MED13L: variants seen among roughly 807,000 people sequenced by gnomAD.
MED13L encodes the protein mediator complex subunit 13L.
MED13L carries 7 observed loss-of-function variants against 220.9 expected under a neutral mutation model. The observed-to-expected ratio is 0.03, with a 90% confidence interval of 0.02 to 0.06. The LOEUF (loss-of-function observed/expected upper bound fraction) is 0.06, where lower values mean the gene tolerates loss of function less well. Ranked by LOEUF, MED13L falls within the 10% of genes least tolerant of loss-of-function variation. The pLI is 1.00. For missense variants in MED13L, 1,965 were observed against 2,760.5 expected, an observed-to-expected ratio of 0.71 and a Z score of 6.46; for synonymous variants, 1,011 against 1,015.2, an observed-to-expected ratio of 1.00 and a Z score of 0.08.
intron 2 of MED13L, among the ~76,000 whole-genome samples, chr12:116,144,001 G>C (rs1315895646): frequency 6.6e-6 from 1 of 151,992 alleles, no homozygotes; most frequent in Non-Finnish European, 1.5e-5. Flanking sequence ...TAGAAGCCAG[G>C]TGATTACCCA....
chr12:116,088,165 C>G (rs76396644), intron 4 of MED13L, among the ~76,000 whole-genome samples: 10,731 of 152,174 alleles, frequency 0.071, 500 homozygotes, highest in Middle Eastern at 0.11. Context: ...CCCTCCACCC[C>G]CCTTTTTAAA....
At chr12:116,021,563 AAAC>A (rs2137442637) in intron 5 of MED13L, among the ~76,000 whole-genome samples, 1 of 152,286 alleles carries the variant, frequency 6.6e-6, no homozygotes, top group East Asian at 1.9e-4. Context: ...AGTTTATAGA[AAAC>A]AAAAAATAAA....
intron 10 of MED13L, 41 bp from the exon 11 acceptor site, chr12:116,007,677 C>T (rs771459227): frequency 2.0e-6 from 3 of 1,499,636 alleles, no homozygotes; most frequent in Non-Finnish European, 9.1e-7. Context: ...AGCATTTATG[C>T]CTTAAAGCAT....
chr12:116,094,374 C>T (rs1872496540), intron 4 of MED13L, among the ~76,000 whole-genome samples: 1 of 152,156 alleles, frequency 6.6e-6, no homozygotes, highest in Admixed American at 6.5e-5. Flanking sequence ...AGTCTAAAAT[C>T]CATTCAATTA....
chr12:116,068,199 C>T (rs1213515832), intron 4 of MED13L, among the ~76,000 whole-genome samples: 1 of 152,104 alleles, frequency 6.6e-6, no homozygotes, highest in East Asian at 1.9e-4. Context: ...GTTCTATGTG[C>T]CTGCCGTAAT....
chr12:116,004,350 T>G (rs1878919467), intron 13 of MED13L, among the ~76,000 whole-genome samples: 1 of 152,158 alleles, frequency 6.6e-6, no homozygotes, highest in Non-Finnish European at 1.5e-5. Flanking sequence ...GAGTCATTTC[T>G]TCTACCAGAG....
Position 116,124,659 on chromosome 12 carries a change from T to C in MED13L, c.311-13147A>G, listed in dbSNP as rs552022601. ...CAAGAATGTAGAATAATTAGATCAGTCTATCATTTCACTTAACGCCCATCA... is the reference window on the plus strand; with the variant it reads ...CAAGAATGTAGAATAATTAGATCAGCCTATCATTTCACTTAACGCCCATCA... On this transcript the variant is annotated intron_variant, in intron 2 of 30. Coordinates refer to ENST00000281928, the MANE Select transcript of MED13L (RefSeq NM_015335.5). Among the ~76,000 whole-genome samples the C allele has an allele frequency of 3.9e-5, 6 of 152,316 alleles. No individual in the cohort carries two copies. In the South Asian group the frequency reaches 1.2e-3, roughly 32 times the overall value.
chr12:116,196,127 A>G (rs1422265181), intron 2 of MED13L, among the ~76,000 whole-genome samples: 2 of 152,136 alleles, frequency 1.3e-5, no homozygotes, highest in South Asian at 2.1e-4. Context: ...ACTGAATCAT[A>G]TATTATCCAG....
chr12:115,986,511 GA>G, intron 18 of MED13L, 22 bp from the exon 19 acceptor site: 1 of 1,608,280 alleles, frequency 6.2e-7, no homozygotes. Context: ...TTGTAGTGTA[GA>G]AAGGTGCTAG....
chr12:116,002,565 T>C (rs994861629), intron 14 of MED13L, among the ~76,000 whole-genome samples: 2 of 152,194 alleles, frequency 1.3e-5, no homozygotes, highest in Non-Finnish European at 1.5e-5. Context: ...ACAAAAACTT[T>C]AGTATGCATC....
intron 1 of MED13L, among the ~76,000 whole-genome samples, chr12:116,243,276 C>A (rs979354322): frequency 1.3e-5 from 2 of 152,100 alleles, no homozygotes; most frequent in African/African-American, 4.8e-5. Flanking sequence ...GAACTTAACC[C>A]ATTTATGCAG....
At chr12:116,233,636 GA>G (rs1869794082) in intron 2 of MED13L, among the ~76,000 whole-genome samples, 1 of 152,164 alleles carries the variant, frequency 6.6e-6, no homozygotes, top group Non-Finnish European at 1.5e-5. Context: ...TACAATTATA[GA>G]TTAACTGCTA....
intron 2 of MED13L, among the ~76,000 whole-genome samples, chr12:116,192,709 C>T (rs1402848009): frequency 6.6e-6 from 1 of 152,122 alleles, no homozygotes; most frequent in East Asian, 1.9e-4. Flanking sequence ...ACAACCCTGA[C>T]CCTTATTTCT....
intron 2 of MED13L, among the ~76,000 whole-genome samples, chr12:116,127,488 CT>C (rs1565890386): frequency 2.0e-5 from 3 of 152,222 alleles, no homozygotes; most frequent in Admixed American, 6.5e-5. Flanking sequence ...ATAAGTACCC[CT>C]ATGTAGTCCG....
intron 4 of MED13L, among the ~76,000 whole-genome samples, chr12:116,027,405 G>A (rs1327535845): frequency 1.3e-5 from 2 of 152,126 alleles, no homozygotes; most frequent in Admixed American, 1.3e-4. Flanking sequence ...CGGGGTGACA[G>A]AGAGACTCTG....
At chr12:116,202,539 A>G (rs774541380) in intron 2 of MED13L, among the ~76,000 whole-genome samples, 2 of 152,222 alleles carry the variant, frequency 1.3e-5, no homozygotes, top group Non-Finnish European at 2.9e-5. Flanking sequence ...AGAGAGTACA[A>G]TGGAAATGGT....
intron 4 of MED13L, among the ~76,000 whole-genome samples, chr12:116,052,507 T>A (rs1419965891): frequency 6.6e-6 from 1 of 152,238 alleles, no homozygotes; most frequent in Non-Finnish European, 1.5e-5. Flanking sequence ...TAATTCTTCA[T>A]AACCCATTGA....
At chr12:116,124,152 C>CAGAGACAGACAGAG (rs1875363653) in intron 2 of MED13L, among the ~76,000 whole-genome samples, 1 of 108,692 alleles carries the variant, frequency 9.2e-6, no homozygotes, top group Non-Finnish European at 2.1e-5. Context: ...GAGAGAGAGA[C>CAGAGACAGACAGAG]AGAGACAGAG....
At chr12:115,971,186 A>G (rs947619838) in intron 26 of MED13L, among the ~76,000 whole-genome samples, 4 of 152,224 alleles carry the variant, frequency 2.6e-5, no homozygotes, top group African/African-American at 9.6e-5. Context: ...ACTACATGCC[A>G]GCATTTGTGC....
Sources: allele counts gnomAD v4.1 joint callset (sites outside exome capture counted in the v4.1 genomes callset), GRCh38; gene constraint gnomAD v4.1.1; transcripts MANE v1.5; gene names NCBI Gene and HGNC (gene_info 2026-07-23, HGNC 2026-07-21).